The following PLD1 variants were observed in gnomAD, a reference collection of about 807,000 sequenced individuals.
PLD1 encodes choline phosphatase 1.
In PLD1, 112 loss-of-function variants were observed where a neutral mutation model predicts 137.1. The ratio of observed to expected loss-of-function variants is 0.82; its 90% CI spans 0.70 to 0.96. PLD1 has a LOEUF of 0.96. Among genes scored for constraint, PLD1 ranks in the 40% least tolerant of loss-of-function variants. The pLI, the probability that PLD1 is intolerant of heterozygous loss-of-function variation, is 0.00. For missense variants in PLD1, 1,321 were observed against 1,342.0 expected (o/e 0.98, Z 0.24); for synonymous variants, 431 against 454.7 (o/e 0.95, Z 0.66).
At chr3:171,656,186 T>TTATTTATTTATTTATTTA (rs1737184549) in intron 21 of PLD1, among the ~76,000 whole-genome samples, 1 of 151,938 alleles carries the variant, frequency 6.6e-6, no homozygotes, top group Non-Finnish European at 1.5e-5. Context: ...ATTTATTTAT[T>TTATTTATTTATTTATTTA]TTGAGACAGA....
chr3:171,736,168 C>A (rs767813147), intron 3 of PLD1, among the ~76,000 whole-genome samples: 2 of 152,142 alleles, frequency 1.3e-5, no homozygotes, highest in South Asian at 2.1e-4. Flanking sequence ...CCCTAAGGAA[C>A]CACCAGTGTT....
chr3:171,693,955 T>C (rs1341261103), intron 12 of PLD1, among the ~76,000 whole-genome samples: 5 of 152,284 alleles, frequency 3.3e-5, no homozygotes, highest in African/African-American at 1.2e-4. Flanking sequence ...ACATAGGAGT[T>C]AATGTTTTTA....
In PLD1 at chr3:171,627,044, A is replaced by T. The variant is rs1340699437; in HGVS notation, c.2594-6524T>A. ...AAATGTAAATGGACTAAATGCTCCAATTAAAAGACACAGACTGGCAAATTG... is the reference window on the plus strand; with the variant it reads ...AAATGTAAATGGACTAAATGCTCCATTTAAAAGACACAGACTGGCAAATTG... On this transcript the variant is annotated intron_variant, in intron 23 of 26. Coordinates refer to ENST00000351298, the MANE Select transcript of PLD1 (RefSeq NM_002662.5). Among the ~76,000 whole-genome samples, 12 of 152,260 alleles carry T rather than the reference A, an allele frequency of 7.9e-5. No individual in the cohort carries two copies. In the South Asian group the frequency reaches 1.9e-3, roughly 24 times the overall value.
chr3:171,642,638 T>C (rs958473953), intron 23 of PLD1, among the ~76,000 whole-genome samples: 1 of 152,076 alleles, frequency 6.6e-6, no homozygotes, highest in Non-Finnish European at 1.5e-5. Context: ...TCGGTTTTTA[T>C]TACCTATTTA....
At chr3:171,779,531 C>T (rs556124815) in intron 1 of PLD1, among the ~76,000 whole-genome samples, 26 of 152,256 alleles carry the variant, frequency 1.7e-4, no homozygotes, top group African/African-American at 6.3e-4. Context: ...TTTGAGAGAC[C>T]TTTTAGATAT....
chr3:171,806,739 C>T (rs2108362672), intron 1 of PLD1, among the ~76,000 whole-genome samples: 1 of 152,314 alleles, frequency 6.6e-6, no homozygotes. Context: ...TACCTGAGCT[C>T]AAGCATAGTT....
In PLD1 at chr3:171,766,301, T is replaced by C. The variant is rs539354619; in HGVS notation, c.-31-28219A>G. Among the ~76,000 whole-genome samples, 3 of 152,252 alleles carry C rather than the reference T, an allele frequency of 2.0e-5. No individual in the cohort carries two copies. In the East Asian group the frequency reaches 5.8e-4, roughly 29 times the overall value. On this transcript the variant is annotated intron_variant, in intron 1 of 26. Coordinates refer to ENST00000351298, the MANE Select transcript of PLD1 (RefSeq NM_002662.5). ...TTTTTCTCCATGAATAGTTTTTCCCTTTTTTAAAATGAATATAAAGTAATC... is the reference window on the plus strand; with the variant it reads ...TTTTTCTCCATGAATAGTTTTTCCCCTTTTTAAAATGAATATAAAGTAATC...
chr3:171,704,457 G>GAAAAAAAAAAAAAAA (rs1362665761), intron 11 of PLD1, among the ~76,000 whole-genome samples: 1 of 98,180 alleles, frequency 1.0e-5, no homozygotes, highest in African/African-American at 4.6e-5. Context: ...CAAAGAACCA[G>GAAAAAAAAAAAAAAA]GAAAAAAAAA....
At chr3:171,668,207 A>T (rs1712357423) in intron 19 of PLD1, among the ~76,000 whole-genome samples, 1 of 152,228 alleles carries the variant, frequency 6.6e-6, no homozygotes, top group Non-Finnish European at 1.5e-5. Flanking sequence ...TGCCCTGTTC[A>T]TATCAGCTCT....
At chr3:171,615,096 T>C (rs1732990513) in intron 24 of PLD1, among the ~76,000 whole-genome samples, 1 of 152,330 alleles carries the variant, frequency 6.6e-6, no homozygotes, top group Admixed American at 6.5e-5. Flanking sequence ...TAAGATATGA[T>C]GGATGTAAAT....
At chr3:171,743,025 T>C (rs60657754) in intron 1 of PLD1, among the ~76,000 whole-genome samples, 86 of 152,322 alleles carry the variant, frequency 5.6e-4, no homozygotes, top group African/African-American at 2.1e-3. Context: ...ATGTCAATGG[T>C]ATAAGGGAAA....
chr3:171,661,278 G>C (rs1009154884), intron 20 of PLD1, among the ~76,000 whole-genome samples: 1 of 152,116 alleles, frequency 6.6e-6, no homozygotes, highest in African/African-American at 2.4e-5. Context: ...AACAGGGCTA[G>C]AATGGTTTTC....
intron 18 of PLD1, among the ~76,000 whole-genome samples, chr3:171,675,843 CT>C (rs199846452): frequency 0.039 from 5,351 of 138,544 alleles, 110 homozygotes; most frequent in Non-Finnish European, 0.058. Flanking sequence ...TGAATATGTA[CT>C]TTTTTTTTTT....
intron 13 of PLD1, among the ~76,000 whole-genome samples, chr3:171,690,300 A>G (rs1715019170): frequency 6.6e-6 from 1 of 152,128 alleles, no homozygotes. Flanking sequence ...TCTTTTCAAA[A>G]AACCAACTTG....
chr3:171,740,303 G>T (rs1428144226), intron 1 of PLD1, among the ~76,000 whole-genome samples: 1 of 152,038 alleles, frequency 6.6e-6, no homozygotes, highest in African/African-American at 2.4e-5. Context: ...CATTGCCCTT[G>T]GTCAAAATCA....
At chr3:171,732,973 A>G (rs1719062556) in intron 6 of PLD1, among the ~76,000 whole-genome samples, 1 of 152,078 alleles carries the variant, frequency 6.6e-6, no homozygotes, top group African/African-American at 2.4e-5. Flanking sequence ...CATGCTTCTC[A>G]CTTTCACATG....
intron 17 of PLD1, among the ~76,000 whole-genome samples, chr3:171,677,144 T>C (rs567804661): frequency 5.3e-4 from 81 of 152,354 alleles, no homozygotes; most frequent in Non-Finnish European, 8.8e-4. Flanking sequence ...TTATTTTTTA[T>C]CCTGTTGAAA....
At chr3:171,646,319 C>T (rs984731754) in intron 21 of PLD1, among the ~76,000 whole-genome samples, 1 of 152,174 alleles carries the variant, frequency 6.6e-6, no homozygotes, top group Non-Finnish European at 1.5e-5. Flanking sequence ...TTCTAAAGTG[C>T]ATTTTCTTCT....
intron 5 of PLD1, 72 bp from the exon 6 acceptor site, chr3:171,733,581 A>G (rs956390891): frequency 8.6e-5 from 54 of 626,156 alleles, no homozygotes; most frequent in Non-Finnish European, 1.7e-5. Flanking sequence ...AGTAGTGACA[A>G]TGATGAGATC....
Sources: gnomAD v4.1 joint callset for allele counts (sites outside exome capture counted in the v4.1 genomes callset) on GRCh38, gnomAD v4.1.1 for gene constraint, MANE v1.5 for transcripts, NCBI Gene and HGNC (gene_info 2026-07-23, HGNC 2026-07-21) for gene names.